PTPN13: variants seen among roughly 807,000 people sequenced by gnomAD.
The protein encoded by PTPN13 is protein tyrosine phosphatase non-receptor type 13.
PTPN13 carries 191 observed loss-of-function variants against 284.0 expected under a neutral mutation model. The ratio of observed to expected loss-of-function variants is 0.67; its 90% CI spans 0.60 to 0.76. PTPN13 has a LOEUF of 0.76. Ranked by LOEUF, PTPN13 falls within the 30% of genes least tolerant of loss-of-function variation. The pLI is 0.00. For missense variants in PTPN13, 2,797 were observed against 2,939.9 expected (o/e 0.95, Z 1.12); for synonymous variants, 986 against 1,022.3 (o/e 0.96, Z 0.68).
At chr4:86,811,245 C>T in intron 47 of PTPN13, 137 bp downstream of exon 47, 2 of 678,088 alleles carry the variant, frequency 2.9e-6, no homozygotes, top group Middle Eastern at 3.5e-4. Flanking sequence ...CAGTGAGGGG[C>T]ATTTTTTTTT....
chr4:86,807,364 G>A (rs190333812), intron 44 of PTPN13, among the ~76,000 whole-genome samples, 196 bp from the exon 45 acceptor site: 224 of 152,228 alleles, frequency 1.5e-3, no homozygotes, highest in Non-Finnish European at 2.5e-3. Flanking sequence ...TTAGATACTT[G>A]TAACATGAGC....
At chr4:86,748,345 A>T (rs1737008283) in intron 17 of PTPN13, among the ~76,000 whole-genome samples, 1 of 152,172 alleles carries the variant, frequency 6.6e-6, no homozygotes, top group Admixed American at 6.5e-5. Context: ...TTCCAGGTAA[A>T]AGGCAGTAGG....
chr4:86,644,326 G>C (rs1724163950), intron 2 of PTPN13, among the ~76,000 whole-genome samples: 1 of 152,034 alleles, frequency 6.6e-6, no homozygotes, highest in African/African-American at 2.4e-5. Flanking sequence ...TTTTAGTAGA[G>C]ATGGAATTTC....
At chr4:86,668,762 ATTTTTTTTTTT>A (rs776320959) in intron 2 of PTPN13, among the ~76,000 whole-genome samples, 1 of 112,310 alleles carries the variant, frequency 8.9e-6, no homozygotes, top group South Asian at 2.9e-4. Flanking sequence ...CGCCCAGCTA[ATTTTTTTTTTT>A]TTTTTTTTTT....
At chr4:86,649,608 C>T (rs1295154680) in intron 2 of PTPN13, among the ~76,000 whole-genome samples, 2 of 151,964 alleles carry the variant, frequency 1.3e-5, no homozygotes, top group Non-Finnish European at 2.9e-5. Flanking sequence ...ATGTTAATAC[C>T]ATGCTGTTTT....
At chr4:86,778,843 CAG>C (rs1377523343) in intron 35 of PTPN13, among the ~76,000 whole-genome samples, 1 of 151,888 alleles carries the variant, frequency 6.6e-6, no homozygotes, top group Non-Finnish European at 1.5e-5. Flanking sequence ...TTTTTTACCT[CAG>C]CACCTTGCTC....
At chr4:86,696,531 C>T (rs1730613220) in intron 6 of PTPN13, among the ~76,000 whole-genome samples, 1 of 151,702 alleles carries the variant, frequency 6.6e-6, no homozygotes, top group African/African-American at 2.4e-5. Context: ...ATTTTAATGC[C>T]TTTTATTTGT....
At chr4:86,709,851 A>G (rs1458864622) in intron 7 of PTPN13, among the ~76,000 whole-genome samples, 1 of 148,906 alleles carries the variant, frequency 6.7e-6, no homozygotes, top group Non-Finnish European at 1.5e-5. Flanking sequence ...CTCTGCATAT[A>G]TTTTAGATCT....
chr4:86,799,544 G>A (rs1743753324), intron 42 of PTPN13, among the ~76,000 whole-genome samples: 1 of 151,664 alleles, frequency 6.6e-6, no homozygotes, highest in African/African-American at 2.4e-5. Context: ...TGGCCAGGCT[G>A]GTCTGGAACT....
At chr4:86,687,704 G>A (rs17453783) in intron 4 of PTPN13, among the ~76,000 whole-genome samples, 3,763 of 151,954 alleles carry the variant, frequency 0.025, 64 homozygotes, top group Middle Eastern at 0.059. Context: ...AAATGAGAAA[G>A]TTAAAATATT....
chr4:86,660,643 A>G (rs1726379988), intron 2 of PTPN13, among the ~76,000 whole-genome samples: 1 of 152,138 alleles, frequency 6.6e-6, no homozygotes, highest in Non-Finnish European at 1.5e-5. Flanking sequence ...CTTAAGTTAA[A>G]TGTGTTTGAA....
chr4:86,738,557 TTA>T (rs1735786985), intron 15 of PTPN13, among the ~76,000 whole-genome samples: 1 of 152,228 alleles, frequency 6.6e-6, no homozygotes, highest in East Asian at 1.9e-4. Context: ...TTGTAACTGG[TTA>T]TATGTTTCCT....
chr4:86,673,821 C>T (rs1466197317), intron 3 of PTPN13, among the ~76,000 whole-genome samples: 1 of 152,182 alleles, frequency 6.6e-6, no homozygotes, highest in Admixed American at 6.5e-5. Context: ...AATTCTCCTG[C>T]CTCAGACTCC....
intron 17 of PTPN13, among the ~76,000 whole-genome samples, chr4:86,748,247 A>G (rs1340842184): frequency 1.3e-5 from 2 of 152,220 alleles, no homozygotes; most frequent in East Asian, 3.8e-4. Context: ...TATGGATTGC[A>G]GACAGTGTGG....
rs1181683271 is a variant in PTPN13 at position 86,734,885 on chromosome 4, G to A, written c.2151+10G>A. On this transcript the variant is annotated intron_variant, in intron 14 of 47. Transcript: ENST00000411767. ...AGATTATCAACCAGAGGTAGGATTT[G>A]TGTTTTTTTCCAGGACCATTTTTGT... 6.2e-6 allele frequency: 10 copies of A among 1,606,966 alleles called. No individual in the cohort carries two copies. Among genetic ancestry groups the A allele is most frequent in the Non-Finnish European group, 8.5e-6 (10 of 1,174,906 alleles).
intron 32 of PTPN13, among the ~76,000 whole-genome samples, 170 bp downstream of exon 32, chr4:86,773,128 G>A (rs1740190980): frequency 6.6e-6 from 1 of 152,074 alleles, no homozygotes; most frequent in Non-Finnish European, 1.5e-5. Flanking sequence ...AGGAAATAAG[G>A]CAAAAAGACC....
At chr4:86,751,190 A>G in intron 19 of PTPN13, 66 bp downstream of exon 19, 1 of 1,141,598 alleles carries the variant, frequency 8.8e-7, no homozygotes, top group Non-Finnish European at 1.3e-6. Flanking sequence ...GAACAAGATC[A>G]TCTTAATTAT....
At chr4:86,684,100 T>TA (rs3971792) in intron 3 of PTPN13, among the ~76,000 whole-genome samples, 2,062 of 138,040 alleles carry the variant, frequency 0.015, 31 homozygotes, top group Admixed American at 0.063. Flanking sequence ...TAAGATATGT[T>TA]AAAAAAAAAA....
chr4:86,772,725 C>T, intron 31 of PTPN13, 53 bp from the exon 32 acceptor site: 1 of 1,415,674 alleles, frequency 7.1e-7, no homozygotes, highest in Non-Finnish European at 9.6e-7. Context: ...ACAAACTAAC[C>T]ATATTGACAT....
Sources: allele counts gnomAD v4.1 joint callset (sites outside exome capture counted in the v4.1 genomes callset), GRCh38; gene constraint gnomAD v4.1.1; transcripts MANE v1.5; gene names NCBI Gene and HGNC (gene_info 2026-07-23, HGNC 2026-07-21).